The following RGS9 variants were observed in gnomAD, a reference collection of about 807,000 sequenced individuals.
RGS9 encodes the protein regulator of G-protein signalling 9.
RGS9 carries 78 observed loss-of-function variants against 102.0 expected under a neutral mutation model. That is an observed-to-expected ratio of 0.76 (90% CI 0.64 to 0.92). The LOEUF is 0.92. RGS9 is among the 40% of genes least tolerant of loss of function. The pLI, the probability that RGS9 is intolerant of heterozygous loss-of-function variation, is 0.00. For missense variants in RGS9, 833 were observed against 866.1 expected (o/e 0.96, Z 0.48); for synonymous variants, 353 against 318.6 (o/e 1.11, Z -1.15).
intron 8 of RGS9, among the ~76,000 whole-genome samples, chr17:65,175,491 T>C (rs541660022): frequency 6.6e-6 from 1 of 152,294 alleles, no homozygotes; most frequent in East Asian, 1.9e-4. Flanking sequence ...ATTTATCCTT[T>C]GTGTGATTAA....
rs1412522988 is a variant in RGS9, at chr17:65,191,763, A to C, written c.746+1527A>C. Among the ~76,000 whole-genome samples, 3 of 152,180 alleles carry C rather than the reference A, an allele frequency of 2.0e-5. No individual in the cohort carries two copies. In the East Asian group the frequency reaches 5.8e-4, roughly 29 times the overall value. ...CTTTGTCTCAAAAAGAAAAAAATAA[A>C]AAAGGTCTGATTGTCGACTAAGAGA... On this transcript the variant is annotated intron_variant, in intron 11 of 18. Transcript: ENST00000262406.
intron 10 of RGS9, 78 bp downstream of exon 10, chr17:65,189,393 C>T (rs370573237): frequency 4.8e-5 from 54 of 1,125,488 alleles, no homozygotes; most frequent in East Asian, 2.3e-4. Flanking sequence ...TTACCCTCTG[C>T]GCTTGGTAAT....
chr17:65,143,747 T>C (rs1224904126), intron 1 of RGS9, among the ~76,000 whole-genome samples: 5 of 150,416 alleles, frequency 3.3e-5, no homozygotes, highest in Non-Finnish European at 5.9e-5. Flanking sequence ...TGAGCCGAGA[T>C]TGTGCCACTG....
Position 65,214,540 on chromosome 17 carries a change from T to A in RGS9, c.1407+3935T>A, listed in dbSNP as rs569497274. ...TTGGAGGAGGCGTGCTTGAGGTATG[T>A]CTCAAAGGAGAGTAGGGTGTCATCA... On this transcript the variant is annotated intron_variant, in intron 17 of 18. Coordinates refer to ENST00000262406, the MANE Select transcript of RGS9 (RefSeq NM_003835.4). Among the ~76,000 whole-genome samples, 8 of 152,264 alleles carry A rather than the reference T, an allele frequency of 5.3e-5. No homozygotes were observed. In the South Asian group the frequency reaches 1.7e-3, roughly 32 times the overall value.
At chr17:65,225,628 A>T (rs1271835709) in intron 18 of RGS9, 142 bp downstream of exon 18, 2 of 1,182,278 alleles carry the variant, frequency 1.7e-6, no homozygotes, top group African/African-American at 3.0e-5. Flanking sequence ...TCCCTTGGCC[A>T]CTGGAAGATA....
intron 1 of RGS9, among the ~76,000 whole-genome samples, chr17:65,150,259 C>T (rs922161564): frequency 3.3e-5 from 5 of 152,170 alleles, no homozygotes; most frequent in Admixed American, 6.5e-5. Flanking sequence ...GTGGCCCTTC[C>T]ACCTAGAACA....
At chr17:65,165,728 A>G (rs1911153490) in intron 7 of RGS9, among the ~76,000 whole-genome samples, 1 of 151,824 alleles carries the variant, frequency 6.6e-6, no homozygotes, top group African/African-American at 2.4e-5. Context: ...TCTGCTCCCA[A>G]TTTCTCCCCA....
At chr17:65,213,526 T>TTGAGGGTGGTGGTGAGTGTGGTGG (rs59435565) in intron 17 of RGS9, among the ~76,000 whole-genome samples, 23 of 149,898 alleles carry the variant, frequency 1.5e-4, no homozygotes, top group South Asian at 1.0e-3. Context: ...GAGCATGTTG[T>TTGAGGGTGGTGGTGAGTGTGGTGG]TGAGGGTGGT....
intron 17 of RGS9, among the ~76,000 whole-genome samples, chr17:65,224,599 T>C (rs1271000717): frequency 1.3e-5 from 2 of 152,148 alleles, no homozygotes; most frequent in South Asian, 2.1e-4. Context: ...AGACCTGAGG[T>C]TGGGGCCCAA....
chr17:65,161,158 G>A (rs373040010), intron 6 of RGS9, among the ~76,000 whole-genome samples: 64 of 152,290 alleles, frequency 4.2e-4, no homozygotes, highest in African/African-American at 1.5e-3. Flanking sequence ...GGCACACAGT[G>A]GCTACCCACT....
chr17:65,159,336 G>A (rs938774095), intron 3 of RGS9, among the ~76,000 whole-genome samples: 4 of 152,226 alleles, frequency 2.6e-5, no homozygotes, highest in Non-Finnish European at 5.9e-5. Context: ...CTCTTCACAC[G>A]GACACGAGTG....
At chr17:65,213,712 G>C (rs1913390516) in intron 17 of RGS9, among the ~76,000 whole-genome samples, 1 of 152,052 alleles carries the variant, frequency 6.6e-6, no homozygotes, top group Admixed American at 6.5e-5. Context: ...TCTCCCACAG[G>C]CTACTATGTG....
chr17:65,171,299 G>A (rs1911411507), intron 8 of RGS9, among the ~76,000 whole-genome samples: 10 of 152,214 alleles, frequency 6.6e-5, no homozygotes, highest in Admixed American at 6.5e-4. Context: ...CCTGTGTTAA[G>A]CTCTTGGCAC....
At chr17:65,225,537 AG>A in intron 18 of RGS9, 51 bp downstream of exon 18, 2 of 1,598,698 alleles carry the variant, frequency 1.3e-6, no homozygotes, top group Non-Finnish European at 1.7e-6. Context: ...GTGGGTGTGC[AG>A]GCCTCTGCAT....
At chr17:65,222,405 C>T (rs917709217) in intron 17 of RGS9, among the ~76,000 whole-genome samples, 3 of 152,204 alleles carry the variant, frequency 2.0e-5, no homozygotes, top group African/African-American at 7.2e-5. Context: ...TACCCCATCA[C>T]ATTTATGGTT....
chr17:65,185,102 G>A (rs1194332038), intron 9 of RGS9, among the ~76,000 whole-genome samples: 1 of 152,110 alleles, frequency 6.6e-6, no homozygotes, highest in Non-Finnish European at 1.5e-5. Context: ...AAAAAGTTCA[G>A]GACTCTTTTC....
At chr17:65,190,438 C>T (rs138673131) in intron 11 of RGS9, among the ~76,000 whole-genome samples, 130 of 152,226 alleles carry the variant, frequency 8.5e-4, no homozygotes, top group African/African-American at 3.0e-3. Context: ...TATGCAAAAT[C>T]GAGCGTAGGT....
chr17:65,204,386 A>G, intron 15 of RGS9, 85 bp downstream of exon 15: 2 of 1,500,364 alleles, frequency 1.3e-6, no homozygotes, highest in Non-Finnish European at 9.1e-7. Context: ...TATAGGAAAA[A>G]GAGAGAGGAT....
At chr17:65,160,971 C>A (rs1444897610) in intron 6 of RGS9, 62 bp downstream of exon 6, 8 of 1,362,316 alleles carry the variant, frequency 5.9e-6, no homozygotes, top group Admixed American at 5.0e-5. Context: ...TTGAGCTGTA[C>A]TTTCCTCATT....
Sources: allele counts gnomAD v4.1 joint callset (sites outside exome capture counted in the v4.1 genomes callset), GRCh38; gene constraint gnomAD v4.1.1; transcripts MANE v1.5; gene names NCBI Gene and HGNC (gene_info 2026-07-23, HGNC 2026-07-21).